The following CDH3 variants were observed in gnomAD, a reference collection of about 807,000 sequenced individuals.
The protein encoded by CDH3 is cadherin-3.
CDH3 carries 54 observed loss-of-function variants against 82.0 expected under a neutral mutation model. The ratio of observed to expected loss-of-function variants is 0.66; its 90% confidence interval spans 0.53 to 0.83. The LOEUF (loss-of-function observed/expected upper bound fraction) is 0.83. Among genes scored for constraint, CDH3 ranks in the 40% least tolerant of loss-of-function variants. The pLI, the probability that CDH3 is intolerant of heterozygous loss-of-function variation, is 0.00. For synonymous variants in CDH3, 446 were observed against 437.9 expected, an observed-to-expected ratio of 1.02 and a Z score of -0.23; for missense variants, 1,054 against 1,084.6, an observed-to-expected ratio of 0.97 and a Z score of 0.40.
intron 2 of CDH3, among the ~76,000 whole-genome samples, chr16:68,655,751 TACTC>T (rs1960396188): frequency 6.6e-6 from 1 of 152,060 alleles, no homozygotes; most frequent in African/African-American, 2.4e-5. Context: ...AATCCCAGCT[TACTC>T]AGGAGGCTGA....
chr16:68,657,493 G>A (rs71395871), intron 2 of CDH3, among the ~76,000 whole-genome samples: 2,363 of 152,216 alleles, frequency 0.016, 30 homozygotes, highest in Middle Eastern at 0.034. Context: ...CAGCCTGGGC[G>A]ACAGAGCAAG....
downstream of CDH3, among the ~76,000 whole-genome samples, chr16:68,700,674 C>T (rs573251269): frequency 5.3e-5 from 8 of 152,176 alleles, no homozygotes; most frequent in Middle Eastern, 3.4e-3. Flanking sequence ...CCACCGTGCC[C>T]GGCCTACACA....
intron 2 of CDH3, among the ~76,000 whole-genome samples, chr16:68,649,353 A>G (rs1477500052): frequency 6.6e-6 from 1 of 152,110 alleles, no homozygotes; most frequent in Admixed American, 6.5e-5. Flanking sequence ...GGTTTTGTCT[A>G]TTTCAGCTCT....
intron 2 of CDH3, among the ~76,000 whole-genome samples, chr16:68,654,585 C>A (rs1317314211): frequency 1.4e-5 from 2 of 140,668 alleles, no homozygotes; most frequent in Non-Finnish European, 3.1e-5. Context: ...TGCCTGTAAT[C>A]CCAGCTACTT....
intron 6 of CDH3, 64 bp downstream of exon 6, chr16:68,678,970 C>A: frequency 6.6e-7 from 1 of 1,521,960 alleles, no homozygotes; most frequent in Non-Finnish European, 9.1e-7. Context: ...CTAAAAGATC[C>A]CACCATACCT....
chr16:68,673,684 G>A (rs1463075079), intron 2 of CDH3, among the ~76,000 whole-genome samples: 1 of 152,142 alleles, frequency 6.6e-6, no homozygotes, highest in Non-Finnish European at 1.5e-5. Context: ...CCAGCACTTT[G>A]GGAGGCCAGG....
chr16:68,704,654 G>A (rs748978077), downstream of CDH3, among the ~76,000 whole-genome samples: 1 of 152,264 alleles, frequency 6.6e-6, no homozygotes, highest in Non-Finnish European at 1.5e-5. Context: ...AGTCAGCTGG[G>A]TGGCCGGAAC....
Position 68,675,065 on chromosome 16 carries a change from A to G in CDH3, c.161-1320A>G, listed in dbSNP as rs1960991596. On this transcript the variant is annotated intron_variant, in intron 2 of 15. Coordinates refer to ENST00000264012, the MANE Select transcript of CDH3 (RefSeq NM_001793.6). ...GAGGTGGAGGTTGCAGTGAGCCGAG[A>G]TCATGCCACTGCACTCCAGCCTGGG... is the stretch of plus-strand genomic sequence containing the variant. Among the ~76,000 whole-genome samples the G allele has an allele frequency of 3.3e-5, 5 of 151,404 alleles. No individual in the cohort carries two copies. In the South Asian group the frequency reaches 1.0e-3, roughly 32 times the overall value.
rs1961973694 is a variant in CDH3 at position 68,707,052 on chromosome 16, G to C, written c.99+11129G>C. 6.6e-6 allele frequency among the ~76,000 whole-genome samples: 1 copy of C among 152,200 alleles called. No homozygotes were observed. The highest frequency in any genetic ancestry group is 6.5e-5 in the Admixed American group (1 of 15,280). On this transcript the variant is annotated intron_variant, in intron 1 of 2. Coordinates refer to the CDH3 transcript ENST00000569080. The surrounding 1 kb of genome is among the most constrained non-coding windows in gnomAD (Gnocchi z 4.5). ...TAGGGAGGAAGGGCCTGGGGGTAGG[G>C]CTCAGTTCTAGGAGCCAGGGAAGGC...
At chr16:68,706,814 A>G (rs1004700654) in intron 1 of CDH3, among the ~76,000 whole-genome samples, 66 of 152,090 alleles carry the variant, frequency 4.3e-4, no homozygotes, top group African/African-American at 1.6e-3. Flanking sequence ...TCAGCCTCAC[A>G]AAGTTCTGGG....
chr16:68,732,479 C>G, the CDH3 span, among the ~76,000 whole-genome samples: 1 of 152,222 alleles, frequency 6.6e-6, no homozygotes, highest in Non-Finnish European at 1.5e-5. Flanking sequence ...CATAAGGAAA[C>G]CTGGAGTCTG....
chr16:68,655,107 C>T (rs1326771379), intron 2 of CDH3, among the ~76,000 whole-genome samples: 1 of 152,088 alleles, frequency 6.6e-6, no homozygotes, highest in Non-Finnish European at 1.5e-5. Flanking sequence ...GAACCCCTAG[C>T]CTCAAGCAAT....
chr16:68,675,231 G>C (rs541890641), intron 2 of CDH3, among the ~76,000 whole-genome samples: 203 of 152,282 alleles, frequency 1.3e-3, no homozygotes, highest in Non-Finnish European at 2.5e-3. Context: ...TAAAAGACAG[G>C]CTTTCTGAAA....
intron 3 of CDH3, among the ~76,000 whole-genome samples, chr16:68,677,292 C>G (rs904589812): frequency 6.6e-6 from 1 of 152,148 alleles, no homozygotes; most frequent in African/African-American, 2.4e-5. Context: ...CATCCATGTA[C>G]AAGAAAATAT....
At position 68,685,358 on chromosome 16, in the gene CDH3, C is replaced by T. The variant is rs886986123; in HGVS notation, c.1570+8C>T. 2 of 1,613,734 alleles carry T rather than the reference C, an allele frequency of 1.2e-6. No homozygotes were observed. Among genetic ancestry groups the T allele is most frequent in the East Asian group, 4.5e-5 (2 of 44,882 alleles). On this transcript the variant is annotated splice_region_variant and intron_variant, in intron 11 of 15. Coordinates refer to ENST00000264012, the MANE Select transcript of CDH3 (RefSeq NM_001793.6). ...TCTTGGCCATGGACAATGGTGAGAG[C>T]ATCCTCCCAGCCCTCCCACAAGGGC... is the stretch of plus-strand genomic sequence containing the variant.
chr16:68,695,169 T>G, intron 13 of CDH3, 86 bp from the exon 14 acceptor site: 1 of 1,396,216 alleles, frequency 7.2e-7, no homozygotes, highest in Non-Finnish European at 1.0e-6. Context: ...TGAGGACATC[T>G]GCAGTTAGAG....
intron 11 of CDH3, 99 bp from the exon 12 acceptor site, chr16:68,687,413 G>A (rs1961442028): frequency 1.2e-6 from 1 of 850,588 alleles, no homozygotes; most frequent in Non-Finnish European, 2.0e-6. Flanking sequence ...GGGCATGGAA[G>A]GTCTTGAGAG....
At chr16:68,691,293 T>C (rs1230464128) in intron 12 of CDH3, among the ~76,000 whole-genome samples, 1 of 152,134 alleles carries the variant, frequency 6.6e-6, no homozygotes. Context: ...CATAAGCCAC[T>C]GCGCCCAGCC....
At chr16:68,697,936 G>A (rs950823018) in intron 15 of CDH3, among the ~76,000 whole-genome samples, 1 of 152,206 alleles carries the variant, frequency 6.6e-6, no homozygotes, top group Non-Finnish European at 1.5e-5. Flanking sequence ...CACAAAGCTA[G>A]TGTGTGGTGT....
Sources: allele counts gnomAD v4.1 joint callset (sites outside exome capture counted in the v4.1 genomes callset), GRCh38; gene constraint gnomAD v4.1.1; non-coding constraint Gnocchi (gnomAD v3.1); transcripts MANE v1.5; gene names NCBI Gene and HGNC (gene_info 2026-07-23, HGNC 2026-07-21).